The following RAP1GDS1 variants were observed in gnomAD, a reference collection of about 807,000 sequenced individuals.
RAP1GDS1 encodes the protein Rap1 GTPase-GDP dissociation stimulator 1.
RAP1GDS1 carries 35 observed loss-of-function variants against 71.1 expected under a neutral mutation model. The ratio of observed to expected loss-of-function variants is 0.49; its 90% confidence interval spans 0.38 to 0.65. The LOEUF (loss-of-function observed/expected upper bound fraction) is 0.65. RAP1GDS1 is among the 30% of genes least tolerant of loss of function. The probability of loss-of-function intolerance (pLI) is 0.00; values close to 1 mark genes in which losing one functional copy is unlikely to be tolerated. For missense variants in RAP1GDS1, 663 were observed against 706.1 expected (o/e 0.94, Z 0.69); for synonymous variants, 229 against 243.1 (o/e 0.94, Z 0.54).
chr4:98,435,291 T>C (rs1314749000), intron 13 of RAP1GDS1, among the ~76,000 whole-genome samples: 1 of 152,190 alleles, frequency 6.6e-6, no homozygotes. Context: ...TAGTGTGTAA[T>C]GATCAAGTCA....
At position 98,261,427 on chromosome 4, in the gene RAP1GDS1, G is replaced by T. The variant is rs570196175; in HGVS notation, c.-139G>T. On this transcript the variant is annotated 5_prime_UTR_variant, in exon 1 of 15. Coordinates refer to ENST00000408927, the MANE Select transcript of RAP1GDS1 (RefSeq NM_001100427.2). Reference sequence around the variant, plus strand: ...CGCGCCGCCTGCAGCAGCACCAGCTGCTCCTCCCCGGCGGCCGCCCCCCGC... The same window carrying T: ...CGCGCCGCCTGCAGCAGCACCAGCTTCTCCTCCCCGGCGGCCGCCCCCCGC... The T allele has an allele frequency of 1.6e-5, 11 of 692,280 alleles. No homozygotes were observed. The highest frequency in any genetic ancestry group is 4.8e-4 in the Middle Eastern group (1 of 2,084). The allele number at this position is 692,280 out of a possible 1,614,324, so 42.9% of individuals were successfully genotyped here.
At chr4:98,317,707 G>A (rs956104857) in intron 2 of RAP1GDS1, among the ~76,000 whole-genome samples, 7 of 152,070 alleles carry the variant, frequency 4.6e-5, no homozygotes, top group South Asian at 4.2e-4. Flanking sequence ...CACAGGAGTC[G>A]TGCCTTAGTG....
At chr4:98,349,186 G>C (rs1308300673) in intron 3 of RAP1GDS1, among the ~76,000 whole-genome samples, 1 of 152,150 alleles carries the variant, frequency 6.6e-6, no homozygotes, top group Non-Finnish European at 1.5e-5. Flanking sequence ...TTCTACATAT[G>C]GCTAACCAGT....
chr4:98,268,610 A>G (rs1329827063), intron 1 of RAP1GDS1, among the ~76,000 whole-genome samples: 1 of 152,162 alleles, frequency 6.6e-6, no homozygotes, highest in Non-Finnish European at 1.5e-5. Flanking sequence ...TAATAAATGA[A>G]TTCAGTAAAG....
In RAP1GDS1 at chr4:98,261,471, G is replaced by C. The variant is rs1721951878; in HGVS notation, c.-95G>C. ...CCCCCGCGGGTCCCTCCCTGGCTGC[G>C]GGAGAGACGGAGGTAGAGGGAGGAC... On this transcript the variant is annotated 5_prime_UTR_variant, in exon 1 of 15. Transcript: ENST00000408927. 2.3e-6 allele frequency: 3 copies of C among 1,326,540 alleles called. No homozygotes were observed. The East Asian group carries it at 8.8e-5, about 39-fold the overall frequency. The allele number at this position is 1,326,540 out of a possible 1,614,324, so 82.2% of individuals were successfully genotyped here.
chr4:98,415,466 A>G (rs751631248), intron 7 of RAP1GDS1, among the ~76,000 whole-genome samples: 3 of 152,256 alleles, frequency 2.0e-5, no homozygotes, highest in Non-Finnish European at 4.4e-5. Flanking sequence ...ATAAATGTCC[A>G]TGAAATCTTC....
intron 2 of RAP1GDS1, among the ~76,000 whole-genome samples, chr4:98,323,747 AAATT>A (rs2110347213): frequency 6.6e-6 from 1 of 151,324 alleles, no homozygotes; most frequent in South Asian, 2.1e-4. Context: ...AACTCTCAAT[AAATT>A]AGGTATTGAT....
chr4:98,382,431 A>T (rs1368197197), intron 5 of RAP1GDS1, among the ~76,000 whole-genome samples: 2 of 151,606 alleles, frequency 1.3e-5, no homozygotes, highest in African/African-American at 4.8e-5. Context: ...TGAATATTTG[A>T]CAATTATGGC....
Position 98,283,473 on chromosome 4 carries a change from GTA to G in RAP1GDS1, c.5-9932_5-9931del, listed in dbSNP as rs529495597. On this transcript the variant is annotated intron_variant, in intron 1 of 14. Transcript: ENST00000408927. ...ATTAGGCATTATAAACAGTGACAAA[GTA>G]TAAGTAGTGCAAGTAGTCATATTTC... Among the ~76,000 whole-genome samples the G allele has an allele frequency of 4.9e-3, 750 of 152,206 alleles. 7 individuals are homozygous for G. Among genetic ancestry groups the G allele is most frequent in the South Asian group, 0.018 (85 of 4,828 alleles).
At chr4:98,318,736 C>T (rs1213050356) in intron 2 of RAP1GDS1, among the ~76,000 whole-genome samples, 1 of 152,128 alleles carries the variant, frequency 6.6e-6, no homozygotes. Flanking sequence ...GTGTCAACAA[C>T]TAATGGGCAG....
intron 2 of RAP1GDS1, among the ~76,000 whole-genome samples, chr4:98,306,926 AAGGTTTCATCATT>A (rs746032303): frequency 3.9e-5 from 6 of 152,076 alleles, no homozygotes; most frequent in Non-Finnish European, 5.9e-5. Context: ...AGAGAAGATT[AAGGTTTCATCATT>A]AGGTTTCATC....
intron 2 of RAP1GDS1, among the ~76,000 whole-genome samples, chr4:98,311,792 A>G (rs927760631): frequency 1.3e-5 from 2 of 152,134 alleles, no homozygotes; most frequent in African/African-American, 4.8e-5. Flanking sequence ...ATACTTCACC[A>G]TGTCCAACTA....
chr4:98,270,796 C>T (rs1723346052), intron 1 of RAP1GDS1, among the ~76,000 whole-genome samples: 1 of 151,952 alleles, frequency 6.6e-6, no homozygotes, highest in Non-Finnish European at 1.5e-5. Flanking sequence ...TCCACCTCTG[C>T]CACACCTGAG....
intron 2 of RAP1GDS1, among the ~76,000 whole-genome samples, chr4:98,337,967 C>T (rs77441975): frequency 1.2e-4 from 19 of 152,048 alleles, no homozygotes; most frequent in African/African-American, 3.4e-4. Flanking sequence ...TTTGCATTTT[C>T]AGAAGTTTAT....
intron 5 of RAP1GDS1, 113 bp downstream of exon 5, chr4:98,379,276 C>A: frequency 3.8e-6 from 4 of 1,063,464 alleles, no homozygotes; most frequent in South Asian, 2.5e-5. Flanking sequence ...TCGTAAGTGG[C>A]ATATAAAATT....
At chr4:98,425,346 C>A (rs1749464275) in intron 12 of RAP1GDS1, among the ~76,000 whole-genome samples, 3 of 152,198 alleles carry the variant, frequency 2.0e-5, no homozygotes, top group African/African-American at 7.2e-5. Context: ...GGGGGGTATA[C>A]AGGCAACAGA....
intron 1 of RAP1GDS1, among the ~76,000 whole-genome samples, chr4:98,286,290 G>T (rs140955709): frequency 6.6e-6 from 1 of 151,196 alleles, no homozygotes; most frequent in African/African-American, 2.4e-5. Flanking sequence ...AATTATTGCC[G>T]TGAGTGCCAG....
chr4:98,408,218 C>T (rs1173085791), intron 7 of RAP1GDS1, among the ~76,000 whole-genome samples: 4 of 152,032 alleles, frequency 2.6e-5, no homozygotes, highest in Non-Finnish European at 4.4e-5. Flanking sequence ...CCTCCATCTC[C>T]GAGGTTCAAG....
At chr4:98,363,026 ATATT>A (rs145246851) in intron 4 of RAP1GDS1, among the ~76,000 whole-genome samples, 121 of 152,280 alleles carry the variant, frequency 7.9e-4, no homozygotes, top group African/African-American at 2.7e-3. Flanking sequence ...TACAGAAAAG[ATATT>A]TATAGATTGT....
Sources: gnomAD v4.1 joint callset for allele counts (sites outside exome capture counted in the v4.1 genomes callset) on GRCh38, gnomAD v4.1.1 for gene constraint, MANE v1.5 for transcripts, NCBI Gene and HGNC (gene_info 2026-07-23, HGNC 2026-07-21) for gene names.